The following HDX variants were observed in gnomAD, a reference collection of about 807,000 sequenced individuals.
HDX encodes chromosome X open reading frame 43.
A neutral mutation model predicts 45.2 loss-of-function variants in HDX; 19 were observed. The ratio of observed to expected loss-of-function variants is 0.42; its 90% CI spans 0.29 to 0.62. The LOEUF (loss-of-function observed/expected upper bound fraction) is 0.62, where lower values mean the gene tolerates loss of function less well. Ranked by LOEUF, HDX falls within the 20% of genes least tolerant of loss-of-function variation. The pLI is 0.20. For synonymous variants in HDX, 188 were observed against 172.8 expected (o/e 1.09, Z -0.69); for missense variants, 532 against 493.9 (o/e 1.08, Z -0.73).
rs186352434 is a variant in HDX, at chrX:84,324,833, C to A, written c.1947+1345G>T. 2.2e-3 allele frequency among the ~76,000 whole-genome samples: 243 copies of A among 110,571 alleles called. 2 individuals carry two copies. Among genetic ancestry groups the A allele is most frequent in the African/African-American group, 7.5e-3 (230 of 30,571 alleles). On this transcript the variant is annotated intron_variant, in intron 10 of 10. Transcript: ENST00000373177. ...ACAAGAGCCACACTTTAAGTTATTC[C>A]TCTGCTTGTACCTAATTTTGTTTAT...
chrX:84,327,314 C>A (rs1166461584), intron 9 of HDX, among the ~76,000 whole-genome samples: 1 of 111,679 alleles, frequency 9.0e-6, no homozygotes, highest in East Asian at 2.8e-4. Flanking sequence ...TACTGGTAAT[C>A]CCTGACAGTT....
intron 5 of HDX, among the ~76,000 whole-genome samples, chrX:84,429,434 G>A (rs1271227061): frequency 1.8e-5 from 2 of 110,202 alleles, no homozygotes; most frequent in South Asian, 3.7e-4. Context: ...CATATTTTAC[G>A]TTATTTTCAA....
chrX:84,416,660 A>G (rs2039110041), intron 5 of HDX, among the ~76,000 whole-genome samples: 1 of 111,665 alleles, frequency 9.0e-6, no homozygotes, highest in African/African-American at 3.3e-5. Context: ...GATACAATAT[A>G]AATATAATAT....
intron 6 of HDX, among the ~76,000 whole-genome samples, chrX:84,347,021 T>A (rs1296366223): frequency 9.0e-6 from 1 of 111,389 alleles, no homozygotes; most frequent in Admixed American, 9.6e-5. Context: ...TTATCAGAGT[T>A]TTGTAGTTTT....
chrX:84,495,586 G>A (rs1200021833), intron 1 of HDX, among the ~76,000 whole-genome samples: 2 of 111,579 alleles, frequency 1.8e-5, no homozygotes, highest in African/African-American at 3.2e-5. Context: ...ATTGCATAAT[G>A]ACTTAAAAGT....
chrX:84,338,374 TAC>T lies in HDX; in HGVS notation c.1661-1496_1661-1495del, dbSNP rs758092424. Among the ~76,000 whole-genome samples, 303 of 110,414 alleles carry T rather than the reference TAC, an allele frequency of 2.7e-3. 2 individuals are homozygous for T. Among genetic ancestry groups the T allele is most frequent in the African/African-American group, 9.2e-3 (282 of 30,496 alleles). ...ATTTGAGATATACAACATAATGTTA[TAC>T]ACACACACACATATATAAATTGTTT... On this transcript the variant is annotated intron_variant, in intron 7 of 10. Transcript: ENST00000373177.
intron 6 of HDX, among the ~76,000 whole-genome samples, chrX:84,354,932 T>C (rs12394926): frequency 0.12 from 443 of 3,555 alleles, 1 homozygote; most frequent in African/African-American, 0.28. Flanking sequence ...CACACACACA[T>C]ATATATATAT....
intron 9 of HDX, among the ~76,000 whole-genome samples, chrX:84,333,440 A>G (rs1298379101): frequency 9.0e-6 from 1 of 111,470 alleles, no homozygotes; most frequent in African/African-American, 3.3e-5. Flanking sequence ...CCCTTTTACT[A>G]TCATTTAAAA....
chrX:84,499,017 A>G (rs2041066859), intron 1 of HDX, among the ~76,000 whole-genome samples: 1 of 111,827 alleles, frequency 8.9e-6, no homozygotes, highest in Non-Finnish European at 1.9e-5. Context: ...GGGAAAATCA[A>G]CTGCTTTGAA....
chrX:84,389,712 C>A (rs1401134795), intron 5 of HDX, among the ~76,000 whole-genome samples: 1 of 111,368 alleles, frequency 9.0e-6, no homozygotes, highest in Non-Finnish European at 1.9e-5. Context: ...TCAGCTAAGG[C>A]CTGTGCCTCC....
intron 7 of HDX, among the ~76,000 whole-genome samples, chrX:84,339,494 A>G (rs2037037883): frequency 9.0e-6 from 1 of 111,481 alleles, no homozygotes; most frequent in East Asian, 2.8e-4. Flanking sequence ...ATTATTTTGG[A>G]AGATTAAAAT....
chrX:84,376,918 G>C (rs1293296365), intron 5 of HDX, among the ~76,000 whole-genome samples: 1 of 111,587 alleles, frequency 9.0e-6, no homozygotes, highest in Non-Finnish European at 1.9e-5. Context: ...CAGTAGCCAG[G>C]GAGTGGTTAC....
At chrX:84,365,981 C>A (rs950322395) in intron 5 of HDX, among the ~76,000 whole-genome samples, 1 of 111,412 alleles carries the variant, frequency 9.0e-6, no homozygotes, top group Non-Finnish European at 1.9e-5. Flanking sequence ...AAGTTCTGGC[C>A]AGGGCAATCA....
intron 6 of HDX, among the ~76,000 whole-genome samples, chrX:84,348,537 T>C (rs1602286719): frequency 8.9e-6 from 1 of 112,002 alleles, no homozygotes; most frequent in East Asian, 2.8e-4. Context: ...TTGTTTGTTT[T>C]TTGCCTTTTG....
chrX:84,425,175 T>G (rs1250574193), intron 5 of HDX, among the ~76,000 whole-genome samples: 3 of 111,705 alleles, frequency 2.7e-5, no homozygotes, highest in Non-Finnish European at 5.7e-5. Context: ...TCAGTGTTTC[T>G]CAAAAGAAGA....
intron 5 of HDX, among the ~76,000 whole-genome samples, chrX:84,379,864 T>C (rs1198632883): frequency 9.1e-6 from 1 of 109,845 alleles, no homozygotes; most frequent in Non-Finnish European, 1.9e-5. Flanking sequence ...AGAAAATAAA[T>C]AATAAAGATG....
intron 5 of HDX, among the ~76,000 whole-genome samples, chrX:84,392,393 T>A (rs916107920): frequency 9.0e-6 from 1 of 111,148 alleles, no homozygotes; most frequent in Non-Finnish European, 1.9e-5. Flanking sequence ...GCTTTCGCTA[T>A]TTGGGCTCCC....
At chrX:84,435,875 C>A (rs2039617033) in intron 5 of HDX, among the ~76,000 whole-genome samples, 1 of 85,815 alleles carries the variant, frequency 1.2e-5, no homozygotes, top group Non-Finnish European at 2.3e-5. Flanking sequence ...TGTGGCGATT[C>A]CTCAGGGATC....
chrX:84,329,754 A>C (rs1001584370), intron 9 of HDX, among the ~76,000 whole-genome samples: 1 of 111,939 alleles, frequency 8.9e-6, no homozygotes, highest in African/African-American at 3.2e-5. Context: ...CCTTCTGTCT[A>C]ACTGACACTT....
Sources: allele counts gnomAD v4.1 joint callset (sites outside exome capture counted in the v4.1 genomes callset), GRCh38; gene constraint gnomAD v4.1.1; transcripts MANE v1.5; gene names NCBI Gene and HGNC (gene_info 2026-07-23, HGNC 2026-07-21).